The following CNTNAP2 variants were observed in gnomAD, a reference collection of about 807,000 sequenced individuals.
The protein encoded by CNTNAP2 is contactin-associated protein-like 2.
A neutral mutation model predicts 155.2 loss-of-function variants in CNTNAP2; 98 were observed. The observed-to-expected ratio is 0.63, with a 90% CI of 0.54 to 0.75. The LOEUF (loss-of-function observed/expected upper bound fraction) is 0.75. Among genes scored for constraint, CNTNAP2 ranks in the 30% least tolerant of loss-of-function variants. The pLI is 0.00. For missense variants in CNTNAP2, 1,727 were observed against 1,688.1 expected (o/e 1.02, Z -0.40); for synonymous variants, 651 against 631.2 (o/e 1.03, Z -0.47).
At chr7:147,129,019 A>G (rs1429523885) in intron 7 of CNTNAP2, among the ~76,000 whole-genome samples, 183 bp downstream of exon 7, 1 of 152,234 alleles carries the variant, frequency 6.6e-6, no homozygotes, top group Non-Finnish European at 1.5e-5. Context: ...CTTTGAGAAT[A>G]GCTAATGGGA....
intron 1 of CNTNAP2, among the ~76,000 whole-genome samples, chr7:146,117,575 G>A (rs1428324096): frequency 6.6e-6 from 1 of 152,178 alleles, no homozygotes; most frequent in African/African-American, 2.4e-5. Context: ...GACTGATGCA[G>A]TACGGTACTT....
At chr7:147,917,894 C>T (rs1800188074) in intron 14 of CNTNAP2, among the ~76,000 whole-genome samples, 1 of 152,156 alleles carries the variant, frequency 6.6e-6, no homozygotes, top group African/African-American at 2.4e-5. Context: ...ACACTGGGGC[C>T]ATTGTAAGGA....
At chr7:146,249,298 G>C (rs1385696400) in intron 1 of CNTNAP2, among the ~76,000 whole-genome samples, 1 of 152,090 alleles carries the variant, frequency 6.6e-6, no homozygotes, top group South Asian at 2.1e-4. Flanking sequence ...AAATATTCTA[G>C]AAATCTTCAT....
At chr7:146,213,107 G>A (rs551834164) in intron 1 of CNTNAP2, among the ~76,000 whole-genome samples, 1 of 152,190 alleles carries the variant, frequency 6.6e-6, no homozygotes, top group Non-Finnish European at 1.5e-5. Flanking sequence ...TAACGTACTT[G>A]CTTCTATAAA....
chr7:146,748,145 T>TTTCTTTC (rs1312227204), intron 1 of CNTNAP2, among the ~76,000 whole-genome samples: 1 of 138,916 alleles, frequency 7.2e-6, no homozygotes, highest in South Asian at 2.4e-4. Flanking sequence ...TTTCTTTTCT[T>TTTCTTTC]TTTTTTTTTT....
intron 2 of CNTNAP2, among the ~76,000 whole-genome samples, chr7:146,828,130 G>A (rs555335083): frequency 5.9e-5 from 9 of 152,054 alleles, no homozygotes; most frequent in East Asian, 1.9e-4. Flanking sequence ...GCATATAGAC[G>A]TGCTCTACAA....
At chr7:146,485,228 A>G (rs1201512760) in intron 1 of CNTNAP2, among the ~76,000 whole-genome samples, 1 of 152,094 alleles carries the variant, frequency 6.6e-6, no homozygotes, top group Non-Finnish European at 1.5e-5. Context: ...CAGAGAGTGG[A>G]AAAAAATCAC....
chr7:147,873,922 C>A (rs754953070), intron 13 of CNTNAP2, among the ~76,000 whole-genome samples: 35 of 152,170 alleles, frequency 2.3e-4, no homozygotes, highest in Non-Finnish European at 4.7e-4. Context: ...AGGCTCCATG[C>A]AAGTCCAAAA....
chr7:147,697,433 T>TA (rs1315942465), intron 13 of CNTNAP2, among the ~76,000 whole-genome samples: 8 of 152,206 alleles, frequency 5.3e-5, no homozygotes, highest in Admixed American at 2.6e-4. Context: ...GTTGCCTTTA[T>TA]TAATGCAGCG....
chr7:146,444,129 T>C (rs1195975510), intron 1 of CNTNAP2, among the ~76,000 whole-genome samples: 1 of 152,050 alleles, frequency 6.6e-6, no homozygotes, highest in Non-Finnish European at 1.5e-5. Context: ...GCCTCCTGGG[T>C]TCAAGCAATT....
chr7:146,451,857 A>ACGTACGTG (rs1182436142), intron 1 of CNTNAP2, among the ~76,000 whole-genome samples: 1 of 128,614 alleles, frequency 7.8e-6, no homozygotes, highest in Non-Finnish European at 1.6e-5. Context: ...CACGTATTCT[A>ACGTACGTG]TATATATATA....
chr7:147,431,108 G>A (rs1325440721), intron 10 of CNTNAP2, among the ~76,000 whole-genome samples: 2 of 151,966 alleles, frequency 1.3e-5, no homozygotes, highest in African/African-American at 4.8e-5. Context: ...CAGAAGGTTA[G>A]GAGAAGCGCA....
chr7:146,488,206 C>G (rs1381328213), intron 1 of CNTNAP2, among the ~76,000 whole-genome samples: 6 of 151,692 alleles, frequency 4.0e-5, no homozygotes, highest in Non-Finnish European at 5.9e-5. Flanking sequence ...GGAATTTCCA[C>G]TGCTACAAAC....
chr7:146,480,904 G>A (rs1317178112), intron 1 of CNTNAP2, among the ~76,000 whole-genome samples: 1 of 151,116 alleles, frequency 6.6e-6, no homozygotes, highest in Non-Finnish European at 1.5e-5. Context: ...GAATGGTCTC[G>A]ATCCTGACCT....
chr7:147,414,955 A>G (rs1444019320), intron 10 of CNTNAP2, among the ~76,000 whole-genome samples: 1 of 150,462 alleles, frequency 6.6e-6, no homozygotes, highest in African/African-American at 2.4e-5. Context: ...AAAAAAAAAA[A>G]AAAAAAAAGA....
At chr7:147,523,963 A>G (rs1420405853) in intron 11 of CNTNAP2, among the ~76,000 whole-genome samples, 2 of 152,170 alleles carry the variant, frequency 1.3e-5, no homozygotes, top group South Asian at 4.1e-4. Flanking sequence ...CCGTTTGGGA[A>G]CTTGATATTT....
At chr7:147,568,852 C>T (rs1800227156) in intron 12 of CNTNAP2, among the ~76,000 whole-genome samples, 1 of 152,134 alleles carries the variant, frequency 6.6e-6, no homozygotes, top group South Asian at 2.1e-4. Context: ...AAATAATGCT[C>T]GATCCAGCCA....
chr7:147,914,544 A>G (rs1026165109), intron 14 of CNTNAP2, among the ~76,000 whole-genome samples: 1 of 130,010 alleles, frequency 7.7e-6, no homozygotes, highest in African/African-American at 3.3e-5. Flanking sequence ...CCATCTAACC[A>G]AAAAAAAAAA....
chr7:146,920,646 T>C (rs1053320960), intron 3 of CNTNAP2, among the ~76,000 whole-genome samples: 3 of 152,184 alleles, frequency 2.0e-5, no homozygotes, highest in African/African-American at 4.8e-5. Flanking sequence ...TGTAGCCGTT[T>C]CATGTTTTAA....
Sources: gnomAD v4.1 joint callset for allele counts (sites outside exome capture counted in the v4.1 genomes callset) on GRCh38, gnomAD v4.1.1 for gene constraint, MANE v1.5 for transcripts, NCBI Gene and HGNC (gene_info 2026-07-23, HGNC 2026-07-21) for gene names.